EML6: variants seen among roughly 807,000 people sequenced by gnomAD.
EML6 encodes echinoderm microtubule-associated protein-like 6.
Under a neutral mutation model 240.1 loss-of-function variants are expected in EML6, and 154 were observed. The ratio of observed to expected loss-of-function variants is 0.64; its 90% confidence interval spans 0.56 to 0.73. EML6 has a LOEUF of 0.73. EML6 is among the 30% of genes least tolerant of loss of function. The pLI is 0.00. For synonymous variants in EML6, 1,148 were observed against 899.0 expected, an observed-to-expected ratio of 1.28 and a Z score of -4.95; for missense variants, 2,964 against 2,474.6, an observed-to-expected ratio of 1.20 and a Z score of -4.20.
chr2:54,783,793 C>G (rs571605901), intron 2 of EML6, among the ~76,000 whole-genome samples: 12 of 152,222 alleles, frequency 7.9e-5, no homozygotes, highest in African/African-American at 2.9e-4. Flanking sequence ...TTGTATAATA[C>G]TATAAATATG....
At chr2:54,836,718 G>GC (rs1286513820) in intron 7 of EML6, among the ~76,000 whole-genome samples, 1 of 152,180 alleles carries the variant, frequency 6.6e-6, no homozygotes, top group African/African-American at 2.4e-5. Flanking sequence ...ACTCAGGAGG[G>GC]CCCTGCGGTT....
At chr2:54,919,396 C>A (rs1191191868) in intron 26 of EML6, among the ~76,000 whole-genome samples, 1 of 152,200 alleles carries the variant, frequency 6.6e-6, no homozygotes, top group Non-Finnish European at 1.5e-5. Flanking sequence ...GCAGTTACCT[C>A]TATGGCCACT....
At chr2:54,950,819 GT>G in intron 30 of EML6, 40 bp downstream of exon 30, 1 of 1,535,848 alleles carries the variant, frequency 6.5e-7, no homozygotes, top group South Asian at 1.2e-5. Flanking sequence ...TCTTTTAGCT[GT>G]TTTTTACATG....
intron 24 of EML6, among the ~76,000 whole-genome samples, chr2:54,908,319 C>T (rs1673456434): frequency 6.6e-6 from 1 of 151,158 alleles, no homozygotes; most frequent in Non-Finnish European, 1.5e-5. Context: ...AAGAGATCCT[C>T]TCACATCAGC....
intron 28 of EML6, among the ~76,000 whole-genome samples, chr2:54,942,614 C>T (rs965165702): frequency 1.3e-5 from 2 of 152,138 alleles, no homozygotes; most frequent in African/African-American, 4.8e-5. Context: ...CCCTCTCGCT[C>T]ATTTGAAGTT....
intron 5 of EML6, among the ~76,000 whole-genome samples, chr2:54,825,948 C>T (rs1668570409): frequency 6.6e-6 from 1 of 152,216 alleles, no homozygotes; most frequent in Non-Finnish European, 1.5e-5. Flanking sequence ...AATCCAGATG[C>T]AGTTTCTTCC....
At chr2:54,863,481 A>G (rs1289710925) in intron 12 of EML6, among the ~76,000 whole-genome samples, 1 of 152,110 alleles carries the variant, frequency 6.6e-6, no homozygotes, top group Admixed American at 6.5e-5. Context: ...AGATTGTGCC[A>G]CTGCGTTCCA....
chr2:54,944,726 A>G (rs1206816835), intron 28 of EML6, among the ~76,000 whole-genome samples: 1 of 152,086 alleles, frequency 6.6e-6, no homozygotes, highest in Non-Finnish European at 1.5e-5. Flanking sequence ...GACATCCTGC[A>G]GTTCTTCTGC....
intron 6 of EML6, 79 bp from the exon 7 acceptor site, chr2:54,829,263 T>G: frequency 7.2e-7 from 1 of 1,379,774 alleles, no homozygotes; most frequent in Non-Finnish European, 9.8e-7. Context: ...TGCTATGTTT[T>G]TAAATCAACA....
At chr2:54,899,433 T>C (rs1370263917) in intron 21 of EML6, among the ~76,000 whole-genome samples, 1 of 152,232 alleles carries the variant, frequency 6.6e-6, no homozygotes, top group African/African-American at 2.4e-5. Flanking sequence ...ATGAATGATT[T>C]AGCATCGTGT....
rs772042210 is a variant in EML6 at position 54,866,831 on chromosome 2, C to G, written c.1998C>G (p.Phe666Leu). 6 of 1,551,208 alleles carry G rather than the reference C, an allele frequency of 3.9e-6. No individual in the cohort carries two copies. The highest frequency in any genetic ancestry group is 4.4e-6 in the Non-Finnish European group (5 of 1,146,680). ...AAGAGAAAAACCACGCAGTGCCCTT[C>G]CTCAAACGAGAAAAGGCTCCTGAGG... The part of the protein sequence containing the change: ...QSKEKNHAVP[F>L]LKREKAPEDS... The change falls in exon 14 of 42, where the codon TTC becomes TTG. Residue 666 changes from phenylalanine (F) to leucine (L), a missense_variant. Transcript: ENST00000356458.
Position 54,871,551 on chromosome 2 carries a change from T to C in EML6, c.2290T>C (p.Leu764=). ...HVWDTQTLKC[L]SLLKGQHQRG... is the part of the protein sequence containing the mutation. ...GTGGGACACACAAACTCTAAAATGTTTGTCGCTGTTGAAAGGACAACATCA... is the reference window on the plus strand; with the variant it reads ...GTGGGACACACAAACTCTAAAATGTCTGTCGCTGTTGAAAGGACAACATCA... Residue 764 remains leucine, a synonymous_variant, in exon 16 of 42, where the codon TTG becomes CTG. Coordinates refer to ENST00000356458, the MANE Select transcript of EML6 (RefSeq NM_001039753.4). The C allele has an allele frequency of 6.4e-7, 1 of 1,551,752 alleles. No individual in the cohort carries two copies. Among genetic ancestry groups the C allele is most frequent in the South Asian group, 1.2e-5 (1 of 84,066 alleles).
At position 54,961,186 on chromosome 2, in the gene EML6, T is replaced by TTTTTTTTTTTTGTTTGTTTG. The variant is rs1553426296; in HGVS notation, c.4968+863_4968+864insGTTTGTTTGTTTTTTTTTTT. On this transcript the variant is annotated intron_variant, in intron 35 of 41. Coordinates refer to ENST00000356458, the MANE Select transcript of EML6 (RefSeq NM_001039753.4). ...AGCCTGGAAGTTATCAGGAAGTAGT[T>TTTTTTTTTTTTGTTTGTTTG]TTTTTTTTTTTTTTTTTGAGACGGA... 4.6e-4 allele frequency among the ~76,000 whole-genome samples: 43 copies of TTTTTTTTTTTTGTTTGTTTG among 93,198 alleles called. 7 individuals carry two copies. Among genetic ancestry groups the TTTTTTTTTTTTGTTTGTTTG allele is most frequent in the African/African-American group, 1.8e-3 (40 of 22,524 alleles). 61.1% of individuals were successfully genotyped at this position (93,198 alleles called of 152,430 possible). A position where few individuals can be genotyped will look rare whatever the true frequency, so the allele number is the denominator to read the frequency against.
At chr2:54,758,133 T>G (rs1264608225) in intron 2 of EML6, among the ~76,000 whole-genome samples, 1 of 150,260 alleles carries the variant, frequency 6.7e-6, no homozygotes, top group Non-Finnish European at 1.5e-5. Context: ...TCTTACCATG[T>G]GATATCTACA....
In EML6 at chr2:54,953,963, T is replaced by A. The variant is rs1197532115; in HGVS notation, c.4313-20T>A. 26 of 1,538,868 alleles carry A rather than the reference T, an allele frequency of 1.7e-5. No homozygotes were observed. Among genetic ancestry groups the A allele is most frequent in the Non-Finnish European group, 2.1e-5 (24 of 1,138,510 alleles). ...GCCATTTGTCAGCCTTACTTCTTTG[T>A]CATGCCTCTCCACACTCAGGGACAA... On this transcript the variant is annotated intron_variant, in intron 31 of 41. Coordinates refer to ENST00000356458, the MANE Select transcript of EML6 (RefSeq NM_001039753.4).
intron 17 of EML6, among the ~76,000 whole-genome samples, chr2:54,884,385 G>A (rs1451561685): frequency 6.6e-6 from 1 of 152,152 alleles, no homozygotes; most frequent in Non-Finnish European, 1.5e-5. Flanking sequence ...TTTACTGGAG[G>A]CTTCATTACA....
intron 17 of EML6, among the ~76,000 whole-genome samples, chr2:54,887,590 A>G (rs1259654075): frequency 6.6e-6 from 1 of 152,178 alleles, no homozygotes; most frequent in Non-Finnish European, 1.5e-5. Flanking sequence ...GCCCATTCTC[A>G]CATTAAAAAG....
intron 2 of EML6, among the ~76,000 whole-genome samples, chr2:54,802,469 A>G (rs1670204841): frequency 6.6e-6 from 1 of 151,930 alleles, no homozygotes; most frequent in African/African-American, 2.4e-5. Flanking sequence ...CTACAAAAAA[A>G]TAAAAAAATT....
At chr2:54,823,093 T>C (rs939090519) in intron 5 of EML6, among the ~76,000 whole-genome samples, 1 of 152,218 alleles carries the variant, frequency 6.6e-6, no homozygotes, top group African/African-American at 2.4e-5. Context: ...GAGTTTGTAC[T>C]AGGTGAAAGA....
Sources: gnomAD v4.1 joint callset for allele counts (sites outside exome capture counted in the v4.1 genomes callset) on GRCh38, gnomAD v4.1.1 for gene constraint, MANE v1.5 for transcripts, NCBI Gene and HGNC (gene_info 2026-07-23, HGNC 2026-07-21) for gene names.